The following IL10RA variants were observed in gnomAD, a reference collection of about 807,000 sequenced individuals.
IL10RA encodes the protein interleukin-10 receptor subunit alpha.
Under a neutral mutation model 29.6 loss-of-function variants are expected in IL10RA, and 18 were observed. The observed-to-expected ratio is 0.61, with a 90% confidence interval of 0.42 to 0.90. The LOEUF (loss-of-function observed/expected upper bound fraction) is 0.90, where lower values mean the gene tolerates loss of function less well. IL10RA is among the 40% of genes least tolerant of loss of function. The probability of loss-of-function intolerance (pLI) is 0.00; values close to 1 mark genes in which losing one functional copy is unlikely to be tolerated. For synonymous variants in IL10RA, 292 were observed against 294.1 expected (o/e 0.99, Z 0.07); for missense variants, 634 against 716.6 (o/e 0.88, Z 1.32).
intron 1 of IL10RA, chr11:117,987,550 C>T (rs1591260586): frequency 1.3e-5 from 2 of 153,750 alleles, no homozygotes; most frequent in African/African-American, 2.4e-5. Context: ...ACCAACCAGC[C>T]GTTGGCCTTG....
In IL10RA at chr11:118,001,044, C is replaced by T; in HGVS notation, c.*1403C>T. The T allele has an allele frequency of 2.2e-6, 1 of 454,278 alleles. No individual in the cohort carries two copies. Among genetic ancestry groups the T allele is most frequent in the South Asian group, 1.6e-5 (1 of 64,482 alleles). The allele number at this position is 454,278 out of a possible 1,614,324, so 28.1% of individuals were successfully genotyped here. ...GCCTTTCTCTGGAGCATTCTGAAAACAGATATTCTGGCCCAGGGAATCCAG... is the reference window on the plus strand; with the variant it reads ...GCCTTTCTCTGGAGCATTCTGAAAATAGATATTCTGGCCCAGGGAATCCAG... On this transcript the variant is annotated 3_prime_UTR_variant, in exon 7 of 7. Coordinates refer to ENST00000227752, the MANE Select transcript of IL10RA (RefSeq NM_001558.4).
rs747730587 is a variant in IL10RA at position 117,988,392 on chromosome 11, G to A, written c.78G>A (p.Leu26=). The change falls in exon 2 of 7, where the codon CTG becomes CTA. Residue 26 remains leucine (L), a synonymous_variant. Transcript: ENST00000227752. ...CACTCTTCTCCCCAGGGACAGAGCT[G>A]CCCAGCCCTCCGTCTGTGTGGTTTG... ...RLGSDAHGTE[L]PSPPSVWFEA... is the part of the protein sequence containing the mutation. The A allele has an allele frequency of 1.9e-6, 3 of 1,614,148 alleles. No individual in the cohort carries two copies. Among genetic ancestry groups the A allele is most frequent in the South Asian group, 2.2e-5 (2 of 91,086 alleles).
At chr11:117,997,155 G>A (rs938422218) in intron 6 of IL10RA, among the ~76,000 whole-genome samples, 10 of 152,206 alleles carry the variant, frequency 6.6e-5, no homozygotes, top group African/African-American at 2.4e-4. Context: ...GTTCTTTACT[G>A]TTGTGCCACT....
In IL10RA at chr11:117,998,919, G is replaced by T. The variant is rs1253030461; in HGVS notation, c.1015G>T (p.Asp339Tyr). ...TGAAGAGCCCCAGTTCCTCCTCCCT[G>T]ACCCTCACCCCCAGGCTGACAGAAC... Reference protein sequence around the residue: ...QTEEPQFLLPDPHPQADRTLG... With the variant: ...QTEEPQFLLPYPHPQADRTLG... Residue 339 changes from aspartate (D) to tyrosine (Y), a missense_variant, in exon 7 of 7, where the codon GAC (aspartate) becomes TAC (tyrosine). Physicochemically the swap from Asp to Tyr is radical, Grantham distance 160. Coordinates refer to ENST00000227752, the MANE Select transcript of IL10RA (RefSeq NM_001558.4). 1 of 1,613,982 alleles carries T rather than the reference G, an allele frequency of 6.2e-7. No homozygotes were observed. Among genetic ancestry groups the T allele is most frequent in the East Asian group, 2.2e-5 (1 of 44,884 alleles).
At chr11:117,992,352 A>G (rs2058028698) in intron 3 of IL10RA, among the ~76,000 whole-genome samples, 2 of 152,194 alleles carry the variant, frequency 1.3e-5, no homozygotes, top group African/African-American at 4.8e-5. Flanking sequence ...ATCCTTGCCA[A>G]TGCTTGTTAC....
intron 5 of IL10RA, chr11:117,995,096 T>G (rs549219185): frequency 5.6e-6 from 1 of 177,900 alleles, no homozygotes; most frequent in East Asian, 1.4e-4. Context: ...GGGCTGATGA[T>G]AGTATTTACC....
intron 1 of IL10RA, 120 bp downstream of exon 1, chr11:117,986,654 C>G: frequency 6.5e-7 from 1 of 1,537,590 alleles, no homozygotes; most frequent in Non-Finnish European, 8.7e-7. Flanking sequence ...TGCCCGGGTG[C>G]TCCCTTACTC....
chr11:117,986,948 C>G, intron 1 of IL10RA: 1 of 776,282 alleles, frequency 1.3e-6, no homozygotes, highest in Non-Finnish European at 1.9e-6. Context: ...TGTCCTTCTC[C>G]CATCTCACCT....
chr11:117,999,264 G>A lies in IL10RA; in HGVS notation c.1360G>A (p.Glu454Lys), dbSNP rs79887053. 766 of 1,614,274 alleles carry A rather than the reference G, an allele frequency of 4.7e-4. 12 individuals carry two copies. In the East Asian group the frequency reaches 0.017, roughly 35 times the overall value. ...TTACCTGAGGCAGACCAGATGTGCT[G>A]AAGAGAAGGCAACCAAGACAGGCTG... is the stretch of plus-strand genomic sequence containing the variant. ...QGYLRQTRCA[E>K]EKATKTGCLE... The change falls in exon 7 of 7, where the codon GAA (glutamate) becomes AAA (lysine). Residue 454 changes from glutamate (E) to lysine (K), a missense_variant. Transcript: ENST00000227752.
rs1243301647 is a variant in IL10RA, at chr11:118,001,445, C to CATG, written c.*1805_*1807dup. The CATG allele has an allele frequency of 2.3e-6, 1 of 433,362 alleles. No homozygotes were observed. 26.8% of individuals were successfully genotyped at this position (433,362 alleles called of 1,614,324 possible). ...CACAAAGCTCTGTCAATAAGTGATA[C>CATG]ATGTTTTTTATTCCAATAAATTGTC... On this transcript the variant is annotated 3_prime_UTR_variant, in exon 7 of 7. Coordinates refer to ENST00000227752, the MANE Select transcript of IL10RA (RefSeq NM_001558.4).
rs1466974850 is a variant in IL10RA, at chr11:118,000,011, C to T, written c.*370C>T. The T allele has an allele frequency of 6.4e-6, 3 of 472,222 alleles. No homozygotes were observed. The highest frequency in any genetic ancestry group is 1.3e-5 in the Non-Finnish European group (3 of 239,478). 29.3% of individuals were successfully genotyped at this position (472,222 alleles called of 1,614,324 possible). A position where few individuals can be genotyped will look rare whatever the true frequency, so the allele number is the denominator to read the frequency against. The stretch of plus-strand genomic sequence containing the variant: ...CTGGAGTTGTGGTGAGGCCACCAGG[C>T]TGAAGTCAGCTCAGACCCAGACCTC... On this transcript the variant is annotated 3_prime_UTR_variant, in exon 7 of 7. Transcript: ENST00000227752.
chr11:117,995,296 CT>C (rs983113571), intron 5 of IL10RA: 61 of 454,868 alleles, frequency 1.3e-4, no homozygotes, highest in African/African-American at 1.1e-3. Context: ...CGATTCTTAC[CT>C]GCTGTACCAT....
intron 1 of IL10RA, chr11:117,988,030 G>A: frequency 2.7e-6 from 1 of 372,362 alleles, no homozygotes; most frequent in South Asian, 2.2e-5. Flanking sequence ...TAGTGCTAGA[G>A]CAGGGACAGG....
chr11:117,992,246 C>T (rs2058027942), intron 3 of IL10RA, among the ~76,000 whole-genome samples: 2 of 152,180 alleles, frequency 1.3e-5, no homozygotes, highest in Admixed American at 1.3e-4. Context: ...CACATGGTAG[C>T]TCTATTTTTA....
Position 117,989,628 on chromosome 11 carries a change from T to C in IL10RA, c.367+8T>C. The stretch of plus-strand genomic sequence containing the variant: ...GCTTCTCTGTGGATGAAGGTGCTTT[T>C]CCTCCCTTGACTTAGAACATGGCTC... On this transcript the variant is annotated splice_region_variant and intron_variant, in intron 3 of 6. Coordinates refer to ENST00000227752, the MANE Select transcript of IL10RA (RefSeq NM_001558.4). This position sits in a 1 kb window ranked among gnomAD's most constrained non-coding sequence, Gnocchi z 4.5. 1.2e-6 allele frequency: 2 copies of C among 1,613,384 alleles called. No individual in the cohort carries two copies. The highest frequency in any genetic ancestry group is 1.7e-6 in the Non-Finnish European group (2 of 1,179,912).
At chr11:117,988,181 G>A in intron 1 of IL10RA, 1 of 648,604 alleles carries the variant, frequency 1.5e-6, no homozygotes, top group East Asian at 2.8e-5. Flanking sequence ...ATCACAGAGA[G>A]CACAGGGCAG....
rs1350822376 is a variant in IL10RA, at chr11:118,000,759, G to T, written c.*1118G>T. The T allele has an allele frequency of 2.2e-6, 1 of 454,170 alleles. No individual in the cohort carries two copies. Among genetic ancestry groups the T allele is most frequent in the South Asian group, 1.6e-5 (1 of 64,486 alleles). The allele number at this position is 454,170 out of a possible 1,614,324, so 28.1% of individuals were successfully genotyped here. ...TCCATGTTTGCTGGGTATTAGCCAA[G>T]CTGGTCCTGGGAGAATGCAGATACT... On this transcript the variant is annotated 3_prime_UTR_variant, in exon 7 of 7. Transcript: ENST00000227752.
chr11:118,000,530 A>C lies in IL10RA; in HGVS notation c.*889A>C, dbSNP rs769541103. 55 of 454,272 alleles carry C rather than the reference A, an allele frequency of 1.2e-4. 1 individual carries two copies. The highest frequency in any genetic ancestry group is 8.2e-4 in the South Asian group (53 of 64,474). The allele number at this position is 454,272 out of a possible 1,614,324, so 28.1% of individuals were successfully genotyped here. ...GGCCTCTGGGCTTGGGCACCAGCTC[A>C]TGCCAGCCCCAGAGGGTCAGGGTTG... On this transcript the variant is annotated 3_prime_UTR_variant, in exon 7 of 7. Transcript: ENST00000227752.
In IL10RA at chr11:117,993,293, C is replaced by T. The variant is rs201857411; in HGVS notation, c.420C>T (p.Leu140=). Reference sequence around the variant, plus strand: ...TAGAGATCCACAATGGCTTCATCCTCGGGAAGATTCAGCTACCCAGGCCCA... The same window carrying T: ...TAGAGATCCACAATGGCTTCATCCTTGGGAAGATTCAGCTACCCAGGCCCA... The part of the protein sequence containing the change: ...VNLEIHNGFI[L]GKIQLPRPKM... Residue 140 remains leucine (L), a synonymous_variant, in exon 4 of 7, where the codon CTC becomes CTT. Transcript: ENST00000227752. The T allele has an allele frequency of 2.3e-4, 368 of 1,614,032 alleles. No homozygotes were observed. The highest frequency in any genetic ancestry group is 2.8e-4 in the Non-Finnish European group (329 of 1,179,902).
Sources: gnomAD v4.1 joint callset for allele counts (sites outside exome capture counted in the v4.1 genomes callset) on GRCh38, gnomAD v4.1.1 for gene constraint, Gnocchi (gnomAD v3.1) non-coding constraint, MANE v1.5 for transcripts, NCBI Gene and HGNC (gene_info 2026-07-23, HGNC 2026-07-21) for gene names.